The following MTHFD1 variants were observed in gnomAD, a reference collection of about 807,000 sequenced individuals.
MTHFD1 encodes the protein C-1-tetrahydrofolate synthase, cytoplasmic.
In MTHFD1, 44 loss-of-function variants were observed where a neutral mutation model predicts 110.3. That is an observed-to-expected ratio of 0.40 (90% CI 0.31 to 0.51). The LOEUF is 0.51. Among genes scored for constraint, MTHFD1 ranks in the 20% least tolerant of loss-of-function variants. The pLI is 0.60. For missense variants in MTHFD1, 909 were observed against 1,173.1 expected (o/e 0.77, Z 3.29); for synonymous variants, 402 against 428.8 (o/e 0.94, Z 0.77).
At chr14:64,397,369 T>C (rs12591011) in intron 1 of MTHFD1, among the ~76,000 whole-genome samples, 138,563 of 149,164 alleles carry the variant, frequency 0.93, 64,624 homozygotes, top group Middle Eastern at 0.98. Context: ...CTCTGCTCAC[T>C]GCAACCTCTG....
chr14:64,396,966 G>A (rs1464091424), intron 1 of MTHFD1, among the ~76,000 whole-genome samples: 143 of 146,054 alleles, frequency 9.8e-4, no homozygotes, highest in African/African-American at 3.6e-3. Context: ...TTAGCTGGGC[G>A]TGGTGGCGGG....
rs897889251 is a variant in MTHFD1 at position 64,434,952 on chromosome 14, T to C, written c.1495-617T>C. On this transcript the variant is annotated intron_variant, in intron 15 of 27. Coordinates refer to ENST00000652337, the MANE Select transcript of MTHFD1 (RefSeq NM_005956.4). ...TACGTGAAGCTCTCCCTCTTTTCTT[T>C]TTTTTTTTTTTTTTTTTTTTTTTGA... Among the ~76,000 whole-genome samples the C allele has an allele frequency of 1.6e-4, 17 of 104,564 alleles. No individual in the cohort carries two copies. The South Asian group carries it at 5.2e-3, about 32-fold the overall frequency. 68.6% of individuals were successfully genotyped at this position (104,564 alleles called of 152,430 possible).
Position 64,417,769 on chromosome 14 carries a change from A to C in MTHFD1, c.479-119A>C, listed in dbSNP as rs2078035714. 1 of 1,247,116 alleles carries C rather than the reference A, an allele frequency of 8.0e-7. No individual in the cohort carries two copies. The allele number at this position is 1,247,116 out of a possible 1,614,324, so 77.3% of individuals were successfully genotyped here. The stretch of plus-strand genomic sequence containing the variant: ...TGCCAAAGAAGGAATGCTTTTAGGA[A>C]GGTTTCTGTTTGATGTTAAGAACCT... On this transcript the variant is annotated intron_variant, in intron 6 of 27. Transcript: ENST00000652337. The surrounding 1 kb of genome is among the most constrained non-coding windows in gnomAD (Gnocchi z 4.4).
rs752602830 is a variant in MTHFD1 at position 64,449,482 on chromosome 14, C to T, written c.2317C>T (p.Leu773Phe). The change falls in exon 24 of 28, where the codon CTT becomes TTT. Residue 773 changes from leucine to phenylalanine, a missense_variant. Leu to Phe is a conservative substitution (Grantham distance 22, BLOSUM62 0). Coordinates refer to ENST00000652337, the MANE Select transcript of MTHFD1 (RefSeq NM_005956.4). ...TESELDLISRLSREHGAFDAV... is the reference protein window; with the variant it reads ...TESELDLISRFSREHGAFDAV... The stretch of plus-strand genomic sequence containing the variant: ...GTCTGAGCTGGACCTCATCAGCCGC[C>T]TTTCCAGAGAACATGGGGCTTTTGA... The T allele has an allele frequency of 8.7e-6, 14 of 1,613,902 alleles. No individual in the cohort carries two copies. The African/African-American group carries it at 1.5e-4, about 17-fold the overall frequency.
chr14:64,401,040 G>A (rs2140945838), intron 2 of MTHFD1, among the ~76,000 whole-genome samples, 163 bp downstream of exon 2: 1 of 151,702 alleles, frequency 6.6e-6, no homozygotes, highest in South Asian at 2.1e-4. Flanking sequence ...GCTTCTAAAT[G>A]TTGGCATATC....
At chr14:64,408,138 C>T (rs1322345260) in intron 2 of MTHFD1, among the ~76,000 whole-genome samples, 1 of 151,954 alleles carries the variant, frequency 6.6e-6, no homozygotes, top group Non-Finnish European at 1.5e-5. Context: ...GTATGTGTCC[C>T]ACAAAGCCTA....
At chr14:64,429,390 G>A (rs1273585700) in intron 12 of MTHFD1, among the ~76,000 whole-genome samples, 1 of 151,512 alleles carries the variant, frequency 6.6e-6, no homozygotes, top group Non-Finnish European at 1.5e-5. Flanking sequence ...GAGTGCAGTG[G>A]CATGATCATA....
chr14:64,405,654 G>A (rs896414862), intron 2 of MTHFD1, among the ~76,000 whole-genome samples: 1 of 152,134 alleles, frequency 6.6e-6, no homozygotes, highest in Non-Finnish European at 1.5e-5. Flanking sequence ...CTTGGAATCT[G>A]TTGCCTCCCC....
intron 12 of MTHFD1, 148 bp from the exon 13 acceptor site, chr14:64,430,036 A>G: frequency 1.3e-6 from 1 of 764,828 alleles, no homozygotes; most frequent in Non-Finnish European, 2.3e-6. Flanking sequence ...AGTATTAGAA[A>G]ACACTTGATC....
At chr14:64,458,101 G>A in intron 26 of MTHFD1, 113 bp from the exon 27 acceptor site, 1 of 829,276 alleles carries the variant, frequency 1.2e-6, no homozygotes, top group Non-Finnish European at 2.1e-6. Flanking sequence ...ATGTTGCCCA[G>A]GGTGGTTTAG....
chr14:64,445,138 C>T, intron 22 of MTHFD1: 2 of 297,794 alleles, frequency 6.7e-6, no homozygotes, highest in Non-Finnish European at 1.3e-5. Context: ...CAACATTATC[C>T]AGCTCAAATG....
chr14:64,388,355 C>A lies in MTHFD1; in HGVS notation c.-73C>A, dbSNP rs2077779789. ...TCCCTAAGCACGTGGGTTGGGTTGTCCTGCTTGGCTGCGGAGGGAGTGGAA... is the reference window on the plus strand; with the variant it reads ...TCCCTAAGCACGTGGGTTGGGTTGTACTGCTTGGCTGCGGAGGGAGTGGAA... On this transcript the variant is annotated 5_prime_UTR_variant, in exon 1 of 28. Coordinates refer to ENST00000652337, the MANE Select transcript of MTHFD1 (RefSeq NM_005956.4). 1 of 1,614,096 alleles carries A rather than the reference C, an allele frequency of 6.2e-7. No individual in the cohort carries two copies. Among genetic ancestry groups the A allele is most frequent in the Non-Finnish European group, 8.5e-7 (1 of 1,179,960 alleles).
Position 64,425,799 on chromosome 14 carries a change from A to C in MTHFD1, c.925A>C (p.Asn309His), listed in dbSNP as rs1414499200. 1.9e-6 allele frequency: 3 copies of C among 1,613,956 alleles called. No homozygotes were observed. Among genetic ancestry groups the C allele is most frequent in the East Asian group, 2.2e-5 (1 of 44,884 alleles). ...KPGKWMIQYNNLNLKTPVPSD... is the reference protein window; with the variant it reads ...KPGKWMIQYNHLNLKTPVPSD... ...AGGAAAGTGGATGATTCAGTATAACAACCTTAACCTCAAGACACCTGTTCC... is the reference window on the plus strand; with the variant it reads ...AGGAAAGTGGATGATTCAGTATAACCACCTTAACCTCAAGACACCTGTTCC... Residue 309 changes from asparagine (N) to histidine (H), a missense_variant, in exon 10 of 28, where the codon AAC (asparagine) becomes CAC (histidine). By Grantham distance (68) the Asn-to-His change is moderately conservative (BLOSUM62 1). Coordinates refer to ENST00000652337, the MANE Select transcript of MTHFD1 (RefSeq NM_005956.4).
chr14:64,390,697 G>A (rs1186533463), intron 1 of MTHFD1, among the ~76,000 whole-genome samples: 1 of 151,846 alleles, frequency 6.6e-6, no homozygotes, highest in Non-Finnish European at 1.5e-5. Context: ...TGCCCAGGCT[G>A]GAGTGCAATG....
chr14:64,404,120 G>T (rs1229056391), intron 2 of MTHFD1, among the ~76,000 whole-genome samples: 1 of 152,214 alleles, frequency 6.6e-6, no homozygotes, highest in Non-Finnish European at 1.5e-5. Context: ...CTTTGAAAAG[G>T]TCTTGGGGTC....
intron 24 of MTHFD1, 88 bp from the exon 25 acceptor site, chr14:64,453,666 G>A: frequency 1.3e-6 from 1 of 776,398 alleles, no homozygotes; most frequent in Non-Finnish European, 2.3e-6. Flanking sequence ...CCCTTTTAGG[G>A]ACTCTGACCT....
intron 26 of MTHFD1, among the ~76,000 whole-genome samples, chr14:64,457,256 C>G (rs2078489266): frequency 6.6e-6 from 1 of 152,122 alleles, no homozygotes; most frequent in South Asian, 2.1e-4. Flanking sequence ...AATTTAAAAG[C>G]AGGCAAGCCC....
At chr14:64,450,161 G>GA (rs1350848678) in intron 24 of MTHFD1, among the ~76,000 whole-genome samples, 1 of 152,200 alleles carries the variant, frequency 6.6e-6, no homozygotes, top group African/African-American at 2.4e-5. Context: ...CCCCAGGGTG[G>GA]AGGGGGAACC....
At chr14:64,453,681 T>C (rs1304393245) in intron 24 of MTHFD1, 73 bp from the exon 25 acceptor site, 4 of 859,408 alleles carry the variant, frequency 4.7e-6, no homozygotes, top group Non-Finnish European at 7.9e-6. Flanking sequence ...TGACCTAGAA[T>C]GTGGCTATGT....
Sources: allele counts gnomAD v4.1 joint callset (sites outside exome capture counted in the v4.1 genomes callset), GRCh38; gene constraint gnomAD v4.1.1; non-coding constraint Gnocchi (gnomAD v3.1); transcripts MANE v1.5; gene names NCBI Gene and HGNC (gene_info 2026-07-23, HGNC 2026-07-21).